The following CDK13 variants were observed in gnomAD, a reference collection of about 807,000 sequenced individuals.
CDK13 encodes cyclin dependent kinase 13, also known as cyclin-dependent kinase 13.
A neutral mutation model predicts 137.6 loss-of-function variants in CDK13; 40 were observed. The ratio of observed to expected loss-of-function variants is 0.29; its 90% CI spans 0.23 to 0.38. The LOEUF is 0.38. Ranked by LOEUF, CDK13 falls within the 10% of genes least tolerant of loss-of-function variation. CDK13 has a pLI of 1.00. For missense variants in CDK13, 1,704 were observed against 1,951.8 expected, an observed-to-expected ratio of 0.87 and a Z score of 2.39; for synonymous variants, 869 against 760.1, an observed-to-expected ratio of 1.14 and a Z score of -2.36.
rs536167414 is a variant in CDK13 at position 40,074,993 on chromosome 7, T to C, written c.2781-3012T>C. Among the ~76,000 whole-genome samples, 4 of 152,232 alleles carry C rather than the reference T, an allele frequency of 2.6e-5. No individual in the cohort carries two copies. The East Asian group carries it at 7.7e-4, about 29-fold the overall frequency. ...GTAGTTGGTTCTAAATCTATAAATT[T>C]AGAGTGGCGGTTGAATCCTAGCAGG... is the stretch of plus-strand genomic sequence containing the variant. On this transcript the variant is annotated intron_variant, in intron 9 of 13. Coordinates refer to ENST00000181839, the MANE Select transcript of CDK13 (RefSeq NM_003718.5).
intron 5 of CDK13, among the ~76,000 whole-genome samples, chr7:40,027,654 GC>G (rs1785272435): frequency 7.4e-6 from 1 of 135,208 alleles, no homozygotes; most frequent in South Asian, 2.2e-4. Context: ...ACACCCTTGG[GC>G]TTTTTTTTTT....
chr7:40,030,235 G>GTGTGTGTGTGTATA (rs1785342424), intron 5 of CDK13, among the ~76,000 whole-genome samples: 1 of 2,594 alleles, frequency 3.9e-4, no homozygotes. Context: ...ATATATATAT[G>GTGTGTGTGTGTATA]TGTGTGTGTG....
At chr7:40,093,264 A>C in intron 13 of CDK13, 27 bp downstream of exon 13, 1 of 1,534,094 alleles carries the variant, frequency 6.5e-7, no homozygotes, top group Non-Finnish European at 8.9e-7. Flanking sequence ...CAGACCACTA[A>C]CACAGCTGCA....
chr7:40,062,173 C>A (rs1329355538), intron 7 of CDK13: 2 of 152,194 alleles, frequency 1.3e-5, no homozygotes, highest in Admixed American at 6.5e-5. Context: ...AACCAGTCAA[C>A]GCTCTTTAAA....
rs1267052085 is a variant in CDK13 at position 40,095,903 on chromosome 7, CAAAG to C, written c.*928_*931del. Reference sequence around the variant, plus strand: ...CCTTCTCTTGATAGGGGAGTGAGAGCAAAGAAAGGGAGTAGAACTGCAATCAGTA... The same window carrying C: ...CCTTCTCTTGATAGGGGAGTGAGAGCAAAGGGAGTAGAACTGCAATCAGTA... On this transcript the variant is annotated 3_prime_UTR_variant, in exon 14 of 14. Transcript: ENST00000181839. The C allele has an allele frequency of 1.3e-5, 2 of 152,070 alleles. No homozygotes were observed. The highest frequency in any genetic ancestry group is 4.8e-5 in the African/African-American group (2 of 41,396). 9.4% of individuals were successfully genotyped at this position (152,070 alleles called of 1,614,324 possible).
chr7:40,062,247 C>T (rs1786163582), intron 7 of CDK13: 1 of 152,386 alleles, frequency 6.6e-6, no homozygotes, highest in Admixed American at 6.5e-5. Flanking sequence ...TGAGTTGATA[C>T]TAAAGCTTTG....
chr7:39,986,625 A>G (rs188805193), intron 1 of CDK13: 2 of 152,342 alleles, frequency 1.3e-5, no homozygotes, highest in Admixed American at 1.3e-4. Context: ...ATAGTTGTCA[A>G]GTACTTTGAA....
At chr7:40,024,820 C>G (rs375040773) in intron 5 of CDK13, among the ~76,000 whole-genome samples, 1 of 151,976 alleles carries the variant, frequency 6.6e-6, no homozygotes, top group African/African-American at 2.4e-5. Flanking sequence ...TGCGCCAGCA[C>G]GCCTGGCTAA....
intron 5 of CDK13, among the ~76,000 whole-genome samples, chr7:40,039,434 ATTTTTTTTTTT>A (rs976319927): frequency 1.2e-5 from 1 of 84,996 alleles, no homozygotes; most frequent in African/African-American, 5.6e-5. Flanking sequence ...TGCCCGGCTA[ATTTTTTTTTTT>A]TTTTTTTTTT....
chr7:40,083,034 C>G (rs946864084), intron 11 of CDK13, among the ~76,000 whole-genome samples: 4 of 147,690 alleles, frequency 2.7e-5, no homozygotes, highest in Non-Finnish European at 5.9e-5. Context: ...GCTTGGGAAA[C>G]GGAGGCTGCA....
intron 4 of CDK13, among the ~76,000 whole-genome samples, chr7:40,000,892 G>C: frequency 6.6e-6 from 1 of 152,144 alleles, no homozygotes; most frequent in East Asian, 1.9e-4. Context: ...TAGGCTTCGT[G>C]TATGTGTGTA....
At chr7:40,004,048 C>T (rs909294732) in intron 5 of CDK13, among the ~76,000 whole-genome samples, 3 of 152,144 alleles carry the variant, frequency 2.0e-5, no homozygotes, top group African/African-American at 7.2e-5. Flanking sequence ...ACTGTTGTGC[C>T]TCCTACCTAG....
At chr7:40,015,268 G>GGGC (rs1200612337) in intron 5 of CDK13, among the ~76,000 whole-genome samples, 1 of 152,146 alleles carries the variant, frequency 6.6e-6, no homozygotes, top group East Asian at 1.9e-4. Flanking sequence ...GGGAAACTGT[G>GGGC]GGCAAGTAGG....
intron 11 of CDK13, among the ~76,000 whole-genome samples, chr7:40,081,105 A>C (rs555924504): frequency 7.9e-5 from 12 of 152,240 alleles, no homozygotes; most frequent in African/African-American, 2.9e-4. Flanking sequence ...TTGACATTCA[A>C]CATTTTTTAA....
intron 11 of CDK13, among the ~76,000 whole-genome samples, chr7:40,080,365 T>C (rs2150537443): frequency 6.6e-6 from 1 of 152,292 alleles, no homozygotes; most frequent in Admixed American, 6.5e-5. Context: ...AATGTTTCCA[T>C]GTAATAAAAA....
intron 1 of CDK13, among the ~76,000 whole-genome samples, chr7:39,975,672 C>T (rs1000130652): frequency 6.6e-6 from 1 of 151,984 alleles, no homozygotes; most frequent in African/African-American, 2.4e-5. Context: ...CTAAGCATCC[C>T]AGGAAAAGAA....
intron 6 of CDK13, among the ~76,000 whole-genome samples, chr7:40,047,353 A>G (rs1051058926): frequency 1.1e-4 from 16 of 152,154 alleles, no homozygotes; most frequent in Non-Finnish European, 1.5e-5. Flanking sequence ...GCTGGTTCTC[A>G]TTTTAATTAA....
At chr7:40,030,907 A>AC (rs1785365248) in intron 5 of CDK13, among the ~76,000 whole-genome samples, 1 of 152,114 alleles carries the variant, frequency 6.6e-6, no homozygotes, top group African/African-American at 2.4e-5. Flanking sequence ...AGTTCGTTGA[A>AC]CCATTCACCC....
chr7:40,078,695 A>T, intron 10 of CDK13, 25 bp from the exon 11 acceptor site: 1 of 1,419,392 alleles, frequency 7.0e-7, no homozygotes, highest in East Asian at 2.7e-5. Flanking sequence ...GAACACATCT[A>T]ACTTTTGTAA....
Sources: gnomAD v4.1 joint callset for allele counts (sites outside exome capture counted in the v4.1 genomes callset) on GRCh38, gnomAD v4.1.1 for gene constraint, MANE v1.5 for transcripts, NCBI Gene and HGNC (gene_info 2026-07-23, HGNC 2026-07-21) for gene names.